The following RREB1 variants were observed in gnomAD, a reference collection of about 807,000 sequenced individuals.
RREB1 encodes the protein ras-responsive element-binding protein 1.
Under a neutral mutation model 117.8 loss-of-function variants are expected in RREB1, and 27 were observed. The ratio of observed to expected loss-of-function variants is 0.23; its 90% CI spans 0.17 to 0.32. The LOEUF (loss-of-function observed/expected upper bound fraction) is 0.32. RREB1 is among the 10% of genes least tolerant of loss of function. The pLI is 1.00. For missense variants in RREB1, 2,577 were observed against 2,378.2 expected (o/e 1.08, Z -1.74); for synonymous variants, 1,298 against 1,026.7 (o/e 1.26, Z -5.05).
intron 1 of RREB1, among the ~76,000 whole-genome samples, chr6:7,115,096 T>G (rs1761331882): frequency 6.6e-6 from 1 of 152,218 alleles, no homozygotes; most frequent in Non-Finnish European, 1.5e-5. Flanking sequence ...TGCAAAATTC[T>G]TACATAACCG....
At chr6:7,160,135 A>T (rs1049064762) in intron 1 of RREB1, among the ~76,000 whole-genome samples, 18 of 141,710 alleles carry the variant, frequency 1.3e-4, no homozygotes, top group Admixed American at 3.4e-4. Flanking sequence ...TTTTTTTTTT[A>T]AATGAGACAG....
chr6:7,141,086 G>C (rs912481075), intron 1 of RREB1, among the ~76,000 whole-genome samples: 2 of 152,216 alleles, frequency 1.3e-5, no homozygotes, highest in African/African-American at 4.8e-5. Flanking sequence ...GGCTGGGACC[G>C]GGCAGCCGAC....
At chr6:7,127,449 A>C (rs1275456900) in intron 1 of RREB1, among the ~76,000 whole-genome samples, 1 of 152,130 alleles carries the variant, frequency 6.6e-6, no homozygotes, top group Non-Finnish European at 1.5e-5. Context: ...GAAAGGTGGG[A>C]ACATTTATTT....
rs755254757 is a variant in RREB1, at chr6:7,246,502, C to T, written c.4052C>T (p.Ser1351Leu). Residue 1351 changes from serine (S) to leucine (L), a missense_variant, in exon 12 of 13, where the codon TCG becomes TTG. Coordinates refer to ENST00000379938, the MANE Select transcript of RREB1 (RefSeq NM_001003699.4). ...DLTSRDREQP[S>L]EGATELRQVA... ...ACCTCACGGGACAGAGAGCAGCCGT[C>T]GGAGGGCGCCACTGAGCTCCGCCAG... 1.3e-6 allele frequency: 2 copies of T among 1,544,940 alleles called. No homozygotes were observed. The highest frequency in any genetic ancestry group is 1.7e-6 in the Non-Finnish European group (2 of 1,144,900).
rs752735098 is a variant in RREB1 at position 7,246,998 on chromosome 6, G to A, written c.4548G>A (p.Glu1516=). ...EVVESAPGAG[E]APAEKLAEET... The stretch of plus-strand genomic sequence containing the variant: ...TGGAGTCGGCCCCGGGTGCCGGGGA[G>A]GCCCCGGCGGAAAAGCTCGCGGAGG... Residue 1516 remains glutamate (E), a synonymous_variant, in exon 12 of 13, where the codon GAG becomes GAA. Coordinates refer to ENST00000379938, the MANE Select transcript of RREB1 (RefSeq NM_001003699.4). 1.9e-5 allele frequency: 30 copies of A among 1,600,290 alleles called. No individual in the cohort carries two copies. The highest frequency in any genetic ancestry group is 5.1e-5 in the Admixed American group (3 of 58,300).
chr6:7,166,804 C>G (rs990888888), intron 1 of RREB1, among the ~76,000 whole-genome samples: 1 of 152,178 alleles, frequency 6.6e-6, no homozygotes, highest in South Asian at 2.1e-4. Flanking sequence ...GCTTGCAGCT[C>G]GTCCCTGGGG....
rs372380287 is a variant in RREB1, at chr6:7,246,574, C to T, written c.4124C>T (p.Ser1375Leu). 6.5e-6 allele frequency: 10 copies of T among 1,550,240 alleles called. No homozygotes were observed. Among genetic ancestry groups the T allele is most frequent in the African/African-American group, 2.7e-5 (2 of 73,316 alleles). ...GAGCAGGCCACGGCGGAAACGGCCT[C>T]GCCGGTGCACCGGGAAGAGCACGGG... Reference protein sequence around the residue: ...PVEQATAETASPVHREEHGRG... With the variant: ...PVEQATAETALPVHREEHGRG... Residue 1375 changes from serine to leucine, a missense_variant, in exon 12 of 13, where the codon TCG becomes TTG. Ser to Leu is a moderately radical substitution (Grantham distance 145). Transcript: ENST00000379938.
rs746746306 is a variant in RREB1, at chr6:7,189,239, C to T, written c.342C>T (p.Arg114=). 13 of 1,612,336 alleles carry T rather than the reference C, an allele frequency of 8.1e-6. No homozygotes were observed. The highest frequency in any genetic ancestry group is 2.7e-5 in the African/African-American group (2 of 74,958). ...KSLSSASSLD[R]HMLVHSGERP... ...TGAGCTCGGCCAGCTCCCTCGATCG[C>T]CACATGCTGGTGCACTCTGGCGAGA... Residue 114 remains arginine (R), a synonymous_variant, in exon 6 of 13, where the codon CGC becomes CGT. Coordinates refer to ENST00000379938, the MANE Select transcript of RREB1 (RefSeq NM_001003699.4).
At position 7,230,208 on chromosome 6, in the gene RREB1, C is replaced by G. The variant is rs1265704868; in HGVS notation, c.2109C>G (p.Ile703Met). 2 of 1,605,360 alleles carry G rather than the reference C, an allele frequency of 1.2e-6. No individual in the cohort carries two copies. The highest frequency in any genetic ancestry group is 1.3e-5 in the African/African-American group (1 of 74,940). ...HSGERPYICK[I>M]CHYPFTVKAN... ...GGGAGCGGCCCTACATTTGCAAGAT[C>G]TGCCACTACCCCTTCACTGTCAAAG... is the stretch of plus-strand genomic sequence containing the variant. Residue 703 changes from isoleucine (I) to methionine (M), a missense_variant, in exon 10 of 13, where the codon ATC (isoleucine) becomes ATG (methionine). Ile to Met is a conservative substitution (Grantham distance 10, BLOSUM62 1). Transcript: ENST00000379938.
chr6:7,243,024 C>T (rs867847876), intron 11 of RREB1, among the ~76,000 whole-genome samples: 5 of 152,178 alleles, frequency 3.3e-5, no homozygotes, highest in Admixed American at 2.6e-4. Context: ...TTTGTAGGCA[C>T]CTACATAGGG....
chr6:7,168,014 A>G (rs1470687486), intron 1 of RREB1, among the ~76,000 whole-genome samples: 2 of 151,888 alleles, frequency 1.3e-5, no homozygotes, highest in African/African-American at 2.4e-5. Flanking sequence ...TAATCCCAAC[A>G]CTTTGTGAGG....
At chr6:7,189,354 G>A (rs1308358965) in intron 6 of RREB1, 32 bp downstream of exon 6, 3 of 1,540,346 alleles carry the variant, frequency 1.9e-6, no homozygotes, top group Non-Finnish European at 2.6e-6. Flanking sequence ...TTGGGGGGTT[G>A]GCTGGTACTT....
intron 6 of RREB1, among the ~76,000 whole-genome samples, chr6:7,208,337 A>G (rs774251221): frequency 2.0e-5 from 3 of 152,218 alleles, no homozygotes; most frequent in Admixed American, 6.5e-5. Flanking sequence ...GAAGCAGAGC[A>G]GGGGTCAGAG....
rs941911309 is a variant in RREB1 at position 7,138,425 on chromosome 6, T to G, written c.-285+30365T>G. Reference sequence around the variant, plus strand: ...AAAGACACTTGAATATTTTTTAAATTAACTATCCAGTTGAGCTTTTTAAAA... The same window carrying G: ...AAAGACACTTGAATATTTTTTAAATGAACTATCCAGTTGAGCTTTTTAAAA... On this transcript the variant is annotated intron_variant, in intron 1 of 12. Coordinates refer to ENST00000379938, the MANE Select transcript of RREB1 (RefSeq NM_001003699.4). Among the ~76,000 whole-genome samples the G allele has an allele frequency of 2.2e-4, 33 of 152,264 alleles. 1 individual carries two copies. Among genetic ancestry groups the G allele is most frequent in the Admixed American group, 1.9e-3 (29 of 15,290 alleles).
chr6:7,228,132 C>T (rs2113098606), intron 9 of RREB1, among the ~76,000 whole-genome samples: 1 of 152,236 alleles, frequency 6.6e-6, no homozygotes, highest in Non-Finnish European at 1.5e-5. Context: ...AAGGTATCAA[C>T]AGTGTTGTTG....
chr6:7,181,313 T>C (rs897444032), intron 3 of RREB1, 67 bp downstream of exon 3: 2 of 399,784 alleles, frequency 5.0e-6, no homozygotes, highest in Admixed American at 8.8e-5. Flanking sequence ...TTTATACATA[T>C]TTTTTAAGAA....
Position 7,230,153 on chromosome 6 carries a change from C to T in RREB1, c.2054C>T (p.Ala685Val), listed in dbSNP as rs1173649079. ...GACTACATCGCCGCCGACAAGGCCG[C>T]GCTCATCCGCCACCTGCGCACGCAC... The part of the protein sequence containing the change: ...ICDYIAADKA[A>V]LIRHLRTHSG... The change falls in exon 10 of 13, where the codon GCG becomes GTG. Residue 685 changes from alanine to valine, a missense_variant. Transcript: ENST00000379938. 6 of 1,606,316 alleles carry T rather than the reference C, an allele frequency of 3.7e-6. No individual in the cohort carries two copies. The highest frequency in any genetic ancestry group is 5.1e-6 in the Non-Finnish European group (6 of 1,179,184).
chr6:7,232,538 T>G (rs1341860500), intron 10 of RREB1, among the ~76,000 whole-genome samples: 2 of 152,140 alleles, frequency 1.3e-5, no homozygotes, highest in African/African-American at 2.4e-5. Context: ...ACTACAATTG[T>G]AAGCCTTTCT....
chr6:7,220,153 G>A (rs1217476125), intron 8 of RREB1, among the ~76,000 whole-genome samples: 1 of 152,184 alleles, frequency 6.6e-6, no homozygotes, highest in Non-Finnish European at 1.5e-5. Context: ...TACAGGGGGT[G>A]GGGAATGGTC....
Sources: allele counts gnomAD v4.1 joint callset (sites outside exome capture counted in the v4.1 genomes callset), GRCh38; gene constraint gnomAD v4.1.1; transcripts MANE v1.5; gene names NCBI Gene and HGNC (gene_info 2026-07-23, HGNC 2026-07-21).